The following ARHGAP28 variants were observed in gnomAD, a reference collection of about 807,000 sequenced individuals.
ARHGAP28 encodes Rho GTPase activating protein 28.
In ARHGAP28, 56 loss-of-function variants were observed where a neutral mutation model predicts 90.7. The ratio of observed to expected loss-of-function variants is 0.62; its 90% CI spans 0.50 to 0.77. ARHGAP28 has a LOEUF of 0.77. Ranked by LOEUF, ARHGAP28 falls within the 30% of genes least tolerant of loss-of-function variation. ARHGAP28 has a pLI of 0.00. For synonymous variants in ARHGAP28, 308 were observed against 323.3 expected (o/e 0.95, Z 0.51); for missense variants, 869 against 900.9 (o/e 0.96, Z 0.45).
At chr18:6,831,272 T>C (rs2056712905) in intron 2 of ARHGAP28, among the ~76,000 whole-genome samples, 1 of 152,160 alleles carries the variant, frequency 6.6e-6, no homozygotes, top group Admixed American at 6.5e-5. Flanking sequence ...TTTTTATTAC[T>C]GACTTTTTAT....
At chr18:6,818,668 T>C (rs2056607517) in intron 1 of ARHGAP28, among the ~76,000 whole-genome samples, 2 of 152,164 alleles carry the variant, frequency 1.3e-5, no homozygotes, top group South Asian at 4.1e-4. Context: ...GCATTTACAT[T>C]GCAAGCTGAA....
chr18:6,818,605 A>G (rs1228688753), intron 1 of ARHGAP28, among the ~76,000 whole-genome samples: 3 of 152,200 alleles, frequency 2.0e-5, no homozygotes, highest in Non-Finnish European at 2.9e-5. Flanking sequence ...GACAGCGAAT[A>G]ACTGGAGGAA....
intron 1 of ARHGAP28, among the ~76,000 whole-genome samples, chr18:6,736,287 A>C (rs1451095841): frequency 4.0e-5 from 6 of 151,174 alleles, no homozygotes; most frequent in Non-Finnish European, 7.4e-5. Context: ...AGTCATCAAC[A>C]GTCATTTAAT....
intron 1 of ARHGAP28, among the ~76,000 whole-genome samples, chr18:6,732,081 C>T (rs996261829): frequency 7.2e-6 from 1 of 137,934 alleles, no homozygotes; most frequent in Non-Finnish European, 1.6e-5. Context: ...CCCACTACAC[C>T]TGAGTTTATA....
intron 1 of ARHGAP28, chr18:6,773,898 C>T (rs1448119591): frequency 6.6e-6 from 1 of 152,148 alleles, no homozygotes; most frequent in Non-Finnish European, 1.5e-5. Flanking sequence ...TTGCAGTCTT[C>T]CTTAGGAAAT....
intron 2 of ARHGAP28, among the ~76,000 whole-genome samples, chr18:6,830,787 C>T (rs1267746158): frequency 6.6e-6 from 1 of 152,154 alleles, no homozygotes; most frequent in African/African-American, 2.4e-5. Flanking sequence ...TTTTGGGGAA[C>T]ATAACTCAAC....
chr18:6,796,190 G>A (rs1254938629), intron 1 of ARHGAP28, among the ~76,000 whole-genome samples: 3 of 152,178 alleles, frequency 2.0e-5, no homozygotes, highest in Non-Finnish European at 4.4e-5. Context: ...GTGAGCACTC[G>A]CTGAAAAGAA....
chr18:6,834,344 G>T (rs1232067705), intron 2 of ARHGAP28: 1 of 152,114 alleles, frequency 6.6e-6, no homozygotes, highest in Admixed American at 6.6e-5. Flanking sequence ...GGAAAAAGAG[G>T]CTTTCCTGAG....
intron 3 of ARHGAP28, among the ~76,000 whole-genome samples, chr18:6,839,320 G>A (rs1436474239): frequency 2.1e-5 from 3 of 144,228 alleles, no homozygotes; most frequent in Non-Finnish European, 3.0e-5. Flanking sequence ...TTGAGACAGC[G>A]TCTCGCTCTG....
chr18:6,800,997 T>C (rs2056477618), intron 1 of ARHGAP28, among the ~76,000 whole-genome samples: 1 of 152,244 alleles, frequency 6.6e-6, no homozygotes, highest in Non-Finnish European at 1.5e-5. Context: ...TTTGTCAATG[T>C]CTTTTGAAGA....
intron 8 of ARHGAP28, 51 bp from the exon 9 acceptor site, chr18:6,873,633 A>G: frequency 6.2e-7 from 1 of 1,608,698 alleles, no homozygotes; most frequent in Non-Finnish European, 8.5e-7. Context: ...GAATAAGATA[A>G]TGCTTTTCTA....
chr18:6,828,855 A>C (rs1203990215), intron 2 of ARHGAP28, among the ~76,000 whole-genome samples: 1 of 152,228 alleles, frequency 6.6e-6, no homozygotes, highest in East Asian at 1.9e-4. Flanking sequence ...AATATGTAAG[A>C]CATCCAAAAA....
intron 14 of ARHGAP28, among the ~76,000 whole-genome samples, chr18:6,894,315 G>A (rs1030215437): frequency 1.3e-5 from 2 of 152,188 alleles, no homozygotes; most frequent in South Asian, 4.1e-4. Flanking sequence ...CAACGGCAGG[G>A]TGTGTGTACA....
chr18:6,742,169 C>CTTTTTCT (rs2055984026), intron 1 of ARHGAP28, among the ~76,000 whole-genome samples: 1 of 138,748 alleles, frequency 7.2e-6, no homozygotes, highest in African/African-American at 2.6e-5. Context: ...TTTTCTTTTT[C>CTTTTTCT]TTTTTTTTTT....
intron 1 of ARHGAP28, among the ~76,000 whole-genome samples, chr18:6,750,355 A>G (rs1261876473): frequency 6.6e-6 from 1 of 152,154 alleles, no homozygotes; most frequent in Non-Finnish European, 1.5e-5. Flanking sequence ...TATACATTCC[A>G]CAATACAGCT....
intron 1 of ARHGAP28, among the ~76,000 whole-genome samples, chr18:6,766,971 T>C (rs1048060167): frequency 1.3e-5 from 2 of 152,220 alleles, no homozygotes; most frequent in African/African-American, 2.4e-5. Flanking sequence ...ACAGCATATA[T>C]GCTTGGGTTT....
At chr18:6,889,757 T>C (rs1312612188) in intron 12 of ARHGAP28, 131 bp from the exon 13 acceptor site, 17 of 783,764 alleles carry the variant, frequency 2.2e-5, no homozygotes, top group Admixed American at 4.3e-5. Context: ...AGGGGAAACA[T>C]GGTACGTTTA....
At chr18:6,768,523 G>A (rs1239314961) in intron 1 of ARHGAP28, among the ~76,000 whole-genome samples, 1 of 152,096 alleles carries the variant, frequency 6.6e-6, no homozygotes, top group Non-Finnish European at 1.5e-5. Context: ...TTGGTCCAAA[G>A]TCAAATGCCT....
At chr18:6,798,398 T>A (rs1293814599) in intron 1 of ARHGAP28, among the ~76,000 whole-genome samples, 2 of 152,190 alleles carry the variant, frequency 1.3e-5, no homozygotes, top group African/African-American at 4.8e-5. Flanking sequence ...TTTCCCATGT[T>A]GGCCAGGCTG....
Sources: allele counts gnomAD v4.1 joint callset (sites outside exome capture counted in the v4.1 genomes callset), GRCh38; gene constraint gnomAD v4.1.1; transcripts MANE v1.5; gene names NCBI Gene and HGNC (gene_info 2026-07-23, HGNC 2026-07-21).